The following STX8 variants were observed in gnomAD, a reference collection of about 807,000 sequenced individuals.
The protein encoded by STX8 is syntaxin-8.
STX8 carries 23 observed loss-of-function variants against 37.5 expected under a neutral mutation model. The ratio of observed to expected loss-of-function variants is 0.61; its 90% CI spans 0.44 to 0.87. The LOEUF is 0.87. Ranked by LOEUF, STX8 falls within the 40% of genes least tolerant of loss-of-function variation. The probability of loss-of-function intolerance (pLI) is 0.00; values close to 1 mark genes in which losing one functional copy is unlikely to be tolerated. For synonymous variants in STX8, 115 were observed against 99.1 expected (o/e 1.16, Z -0.95); for missense variants, 313 against 284.7 (o/e 1.10, Z -0.71).
chr17:9,479,931 T>C (rs981798383), intron 6 of STX8, among the ~76,000 whole-genome samples: 1 of 152,188 alleles, frequency 6.6e-6, no homozygotes, highest in Non-Finnish European at 1.5e-5. Context: ...GTTACGCTCC[T>C]TTGCGTAAAG....
At position 9,352,470 on chromosome 17, in the gene STX8, T is replaced by C. The variant is rs1597620155; in HGVS notation, c.643+26082A>G. ...CTCTCCCCATCCTTACTCCCACTTT[T>C]TTTTTTTTTTTTTTTGAGACGGAGT... On this transcript the variant is annotated intron_variant, in intron 7 of 7. Coordinates refer to ENST00000306357, the MANE Select transcript of STX8 (RefSeq NM_004853.3). 2.0e-5 allele frequency among the ~76,000 whole-genome samples: 3 copies of C among 147,624 alleles called. No individual in the cohort carries two copies. The East Asian group carries it at 5.9e-4, about 29-fold the overall frequency.
intron 7 of STX8, among the ~76,000 whole-genome samples, chr17:9,315,829 T>C (rs1377467488): frequency 2.0e-5 from 3 of 152,022 alleles, no homozygotes; most frequent in Non-Finnish European, 4.4e-5. Context: ...CTGGGTAACA[T>C]GGTGAAACGC....
At chr17:9,458,089 G>C (rs1245989203) in intron 6 of STX8, among the ~76,000 whole-genome samples, 1 of 152,192 alleles carries the variant, frequency 6.6e-6, no homozygotes, top group African/African-American at 2.4e-5. Context: ...ATTTTACTAT[G>C]TATTCTAGTT....
At chr17:9,393,658 G>A (rs1357276979) in intron 6 of STX8, among the ~76,000 whole-genome samples, 1 of 152,070 alleles carries the variant, frequency 6.6e-6, no homozygotes, top group African/African-American at 2.4e-5. Context: ...GTCATCCCTA[G>A]TTACCACTAA....
chr17:9,361,562 C>G (rs956287605), intron 7 of STX8, among the ~76,000 whole-genome samples: 11 of 152,194 alleles, frequency 7.2e-5, no homozygotes, highest in African/African-American at 1.7e-4. Context: ...ATGTGGCCAA[C>G]AGAGATGCTT....
intron 7 of STX8, among the ~76,000 whole-genome samples, chr17:9,257,975 C>A (rs572046599): frequency 2.6e-5 from 4 of 152,120 alleles, no homozygotes; most frequent in African/African-American, 7.2e-5. Context: ...GGTGACAGAG[C>A]GAGATTTTGT....
chr17:9,327,821 T>C (rs1342725313), intron 7 of STX8, among the ~76,000 whole-genome samples: 1 of 152,116 alleles, frequency 6.6e-6, no homozygotes, highest in Non-Finnish European at 1.5e-5. Context: ...ACTACAGGTG[T>C]GCACCACCAC....
intron 7 of STX8, among the ~76,000 whole-genome samples, chr17:9,269,956 G>A (rs1907389853): frequency 6.6e-6 from 1 of 152,174 alleles, no homozygotes; most frequent in Non-Finnish European, 1.5e-5. Flanking sequence ...TGCTGCTTCT[G>A]TATACTAAAC....
At chr17:9,322,016 C>T (rs1333289262) in intron 7 of STX8, among the ~76,000 whole-genome samples, 1 of 152,174 alleles carries the variant, frequency 6.6e-6, no homozygotes, top group Non-Finnish European at 1.5e-5. Flanking sequence ...TACTCTGGAA[C>T]CTGAACTTTT....
intron 6 of STX8, among the ~76,000 whole-genome samples, chr17:9,408,288 G>A (rs918421045): frequency 6.6e-6 from 1 of 152,104 alleles, no homozygotes; most frequent in Non-Finnish European, 1.5e-5. Context: ...AGATCAGAAG[G>A]GTGTAAGCGT....
chr17:9,545,934 T>C (rs111637172), intron 3 of STX8, among the ~76,000 whole-genome samples: 4,245 of 152,264 alleles, frequency 0.028, 192 homozygotes, highest in African/African-American at 0.097. Flanking sequence ...CCTGGCTCAG[T>C]GATTCCTTAG....
chr17:9,374,085 A>AC (rs1323492590), intron 7 of STX8, among the ~76,000 whole-genome samples: 46 of 143,772 alleles, frequency 3.2e-4, no homozygotes, highest in African/African-American at 1.3e-3. Flanking sequence ...TACCACAATT[A>AC]ATTTTTTTTT....
At chr17:9,396,757 C>G (rs1912419223) in intron 6 of STX8, among the ~76,000 whole-genome samples, 1 of 149,704 alleles carries the variant, frequency 6.7e-6, no homozygotes, top group South Asian at 2.1e-4. Context: ...TAAAGATAGA[C>G]AGGTGACATT....
chr17:9,288,810 T>C (rs1428135878), intron 7 of STX8, among the ~76,000 whole-genome samples: 3 of 151,836 alleles, frequency 2.0e-5, no homozygotes, highest in African/African-American at 7.3e-5. Context: ...GATTAAACTA[T>C]GAAACCCAAT....
chr17:9,504,285 C>T (rs1904736726), intron 5 of STX8, among the ~76,000 whole-genome samples: 1 of 150,986 alleles, frequency 6.6e-6, no homozygotes, highest in Non-Finnish European at 1.5e-5. Flanking sequence ...GTTGTTTACA[C>T]TTTGTATAAC....
chr17:9,292,369 A>G (rs957455294), intron 7 of STX8, among the ~76,000 whole-genome samples: 3 of 152,206 alleles, frequency 2.0e-5, no homozygotes, highest in African/African-American at 7.2e-5. Context: ...CGTGTGGTGG[A>G]AGGGAGAGTG....
At chr17:9,331,283 G>C (rs1350110703) in intron 7 of STX8, among the ~76,000 whole-genome samples, 1 of 152,124 alleles carries the variant, frequency 6.6e-6, no homozygotes, top group African/African-American at 2.4e-5. Flanking sequence ...TTAGCTAATT[G>C]CCTTTTCAGA....
At chr17:9,445,798 A>G (rs767436131) in intron 6 of STX8, among the ~76,000 whole-genome samples, 1 of 150,088 alleles carries the variant, frequency 6.7e-6, no homozygotes. Context: ...CATCTTTTCT[A>G]TCATCTTTCC....
chr17:9,443,286 G>A (rs1394460759), intron 6 of STX8, among the ~76,000 whole-genome samples: 2 of 152,138 alleles, frequency 1.3e-5, no homozygotes, highest in Admixed American at 6.5e-5. Context: ...AGCAGCCATA[G>A]GGCCTTCAAC....
Sources: allele counts gnomAD v4.1 joint callset (sites outside exome capture counted in the v4.1 genomes callset), GRCh38; gene constraint gnomAD v4.1.1; transcripts MANE v1.5; gene names NCBI Gene and HGNC (gene_info 2026-07-23, HGNC 2026-07-21).